Variants in GREB1L observed in about 807,000 individuals in gnomAD.
GREB1L encodes the protein GREB1-like protein.
In GREB1L, 17 loss-of-function variants were observed where a neutral mutation model predicts 200.8. The ratio of observed to expected loss-of-function variants is 0.08; its 90% CI spans 0.06 to 0.13. The LOEUF (loss-of-function observed/expected upper bound fraction) is 0.13, where lower values mean the gene tolerates loss of function less well. Among genes scored for constraint, GREB1L ranks in the 10% least tolerant of loss-of-function variants. The pLI is 1.00. For synonymous variants in GREB1L, 789 were observed against 893.0 expected, an observed-to-expected ratio of 0.88 and a Z score of 2.08; for missense variants, 1,657 against 2,367.7, an observed-to-expected ratio of 0.70 and a Z score of 6.23.
chr18:21,486,960 A>G (rs2036151417), intron 18 of GREB1L, among the ~76,000 whole-genome samples: 1 of 152,238 alleles, frequency 6.6e-6, no homozygotes, highest in Non-Finnish European at 1.5e-5. Context: ...ATGAGGACCT[A>G]TGGATGCATC....
At chr18:21,429,051 T>C (rs1030937804) in intron 7 of GREB1L, among the ~76,000 whole-genome samples, 2 of 152,018 alleles carry the variant, frequency 1.3e-5, no homozygotes, top group African/African-American at 4.8e-5. Context: ...AGATTGTATT[T>C]GCTAGTATTT....
At chr18:21,421,764 G>A (rs1186517582) in intron 7 of GREB1L, among the ~76,000 whole-genome samples, 1 of 152,156 alleles carries the variant, frequency 6.6e-6, no homozygotes, top group Non-Finnish European at 1.5e-5. Context: ...GAAATAAGAG[G>A]TAACGAGTGG....
chr18:21,260,111 T>G (rs1421481699), intron 1 of GREB1L, among the ~76,000 whole-genome samples: 2 of 151,992 alleles, frequency 1.3e-5, no homozygotes, highest in African/African-American at 4.8e-5. Flanking sequence ...CTGATGTAGA[T>G]TATATTGAGA....
At chr18:21,307,939 T>C (rs1373549836) in intron 1 of GREB1L, among the ~76,000 whole-genome samples, 2 of 152,244 alleles carry the variant, frequency 1.3e-5, no homozygotes, top group Admixed American at 1.3e-4. Context: ...CTGCCGTTAC[T>C]GTTGCCAAAT....
intron 1 of GREB1L, among the ~76,000 whole-genome samples, chr18:21,260,780 G>C (rs755652840): frequency 4.0e-5 from 6 of 151,842 alleles, no homozygotes; most frequent in Non-Finnish European, 8.8e-5. Context: ...TGTGTGGGGT[G>C]GTTATGATAG....
At chr18:21,381,016 G>T (rs1370296197) in intron 2 of GREB1L, among the ~76,000 whole-genome samples, 1 of 152,202 alleles carries the variant, frequency 6.6e-6, no homozygotes, top group East Asian at 1.9e-4. Flanking sequence ...GCCGAGGTGG[G>T]CGGATCACAA....
intron 1 of GREB1L, among the ~76,000 whole-genome samples, chr18:21,283,326 G>GA (rs752359628): frequency 3.9e-5 from 6 of 151,962 alleles, no homozygotes; most frequent in South Asian, 2.1e-4. Context: ...AATTCTGTGG[G>GA]AAAAAAAATC....
chr18:21,504,441 T>G (rs1732570818), intron 23 of GREB1L, among the ~76,000 whole-genome samples: 1 of 152,160 alleles, frequency 6.6e-6, no homozygotes, highest in African/African-American at 2.4e-5. Flanking sequence ...GAAGCTGCAG[T>G]GGAAGGATTC....
intron 4 of GREB1L, 151 bp from the exon 5 acceptor site, chr18:21,395,234 T>C (rs2083548003): frequency 1.8e-6 from 1 of 557,626 alleles, no homozygotes; most frequent in African/African-American, 2.0e-5. Flanking sequence ...CTTGGCAGAT[T>C]TGTCTTCTGG....
chr18:21,271,456 A>T (rs1211884100), intron 1 of GREB1L, among the ~76,000 whole-genome samples: 1 of 151,620 alleles, frequency 6.6e-6, no homozygotes, highest in Admixed American at 6.6e-5. Flanking sequence ...ATACCACCCT[A>T]GGCAATACAG....
chr18:21,359,571 C>A (rs190800677), intron 1 of GREB1L, among the ~76,000 whole-genome samples: 40 of 152,306 alleles, frequency 2.6e-4, no homozygotes, highest in South Asian at 1.0e-3. Context: ...TTTTATAGCA[C>A]ATTTCCAGTT....
intron 7 of GREB1L, among the ~76,000 whole-genome samples, chr18:21,420,241 G>T (rs1374225874): frequency 6.6e-6 from 1 of 151,812 alleles, no homozygotes; most frequent in African/African-American, 2.4e-5. Flanking sequence ...GCATGGTGGC[G>T]GGTGCCTGTA....
chr18:21,470,185 C>G (rs1044228244), intron 15 of GREB1L, among the ~76,000 whole-genome samples: 1 of 151,822 alleles, frequency 6.6e-6, no homozygotes, highest in Non-Finnish European at 1.5e-5. Flanking sequence ...CTACTCAGGA[C>G]GCTGAGGCAG....
chr18:21,343,730 A>ATTTTTTTTTTTTTTTTTTTTTTTTTTTTT (rs36120644), intron 1 of GREB1L, among the ~76,000 whole-genome samples: 1 of 114,952 alleles, frequency 8.7e-6, no homozygotes, highest in Non-Finnish European at 1.8e-5. Context: ...GAGAAGAGAG[A>ATTTTTTTTTTTTTTTTTTTTTTTTTTTTT]TTTTTTTTTT....
intron 27 of GREB1L, among the ~76,000 whole-genome samples, chr18:21,509,278 T>C (rs917042397): frequency 6.6e-6 from 1 of 152,254 alleles, no homozygotes; most frequent in Non-Finnish European, 1.5e-5. Flanking sequence ...TGGACACTTC[T>C]TGCGCTGCAG....
chr18:21,272,689 A>T (rs992704809), intron 1 of GREB1L, among the ~76,000 whole-genome samples: 2 of 152,200 alleles, frequency 1.3e-5, no homozygotes, highest in African/African-American at 2.4e-5. Flanking sequence ...GCTACCCCTT[A>T]GCTGTAATAA....
At chr18:21,515,792 C>G (rs1419593821) in intron 29 of GREB1L, 148 bp downstream of exon 29, 2 of 652,462 alleles carry the variant, frequency 3.1e-6, no homozygotes, top group African/African-American at 1.8e-5. Flanking sequence ...TCACAAGCCC[C>G]AAAGTGTGCC....
chr18:21,282,174 G>A (rs879432940), intron 1 of GREB1L, among the ~76,000 whole-genome samples: 8 of 152,006 alleles, frequency 5.3e-5, no homozygotes, highest in Non-Finnish European at 8.8e-5. Flanking sequence ...TACTCAAGAC[G>A]CTGTCAGGAG....
In GREB1L at chr18:21,418,469, G is replaced by A. The variant is rs1420801977; in HGVS notation, c.832+14475G>A. 2.0e-5 allele frequency among the ~76,000 whole-genome samples: 3 copies of A among 151,956 alleles called. No individual in the cohort carries two copies. The South Asian group carries it at 6.2e-4, about 32-fold the overall frequency. On this transcript the variant is annotated intron_variant, in intron 7 of 32. Coordinates refer to ENST00000424526, the MANE Select transcript of GREB1L (RefSeq NM_001142966.3). ...TATACTGTATTGGGTTTTTAAATTTGTATTTTTATTGTTGTATTTTTATTT... is the reference window on the plus strand; with the variant it reads ...TATACTGTATTGGGTTTTTAAATTTATATTTTTATTGTTGTATTTTTATTT...
Sources: allele counts gnomAD v4.1 joint callset (sites outside exome capture counted in the v4.1 genomes callset), GRCh38; gene constraint gnomAD v4.1.1; transcripts MANE v1.5; gene names NCBI Gene and HGNC (gene_info 2026-07-23, HGNC 2026-07-21).